UPP1: variants seen among roughly 807,000 people sequenced by gnomAD.
UPP1 encodes UPase 1.
In UPP1, 25 loss-of-function variants were observed where a neutral mutation model predicts 29.6. The observed-to-expected ratio is 0.85, with a 90% CI of 0.62 to 1.18. The LOEUF (loss-of-function observed/expected upper bound fraction) is 1.18, where lower values mean the gene tolerates loss of function less well. Ranked by LOEUF, UPP1 falls within the 50% of genes most tolerant of loss-of-function variation. The probability of loss-of-function intolerance (pLI) is 0.00; values close to 1 mark genes in which losing one functional copy is unlikely to be tolerated. For synonymous variants in UPP1, 165 were observed against 159.8 expected (o/e 1.03, Z -0.25); for missense variants, 368 against 410.4 (o/e 0.90, Z 0.89).
intron 6 of UPP1, chr7:48,104,848 A>T (rs1488081810): frequency 6.6e-6 from 1 of 152,204 alleles, no homozygotes; most frequent in Non-Finnish European, 1.5e-5. Flanking sequence ...ATGGTTCTTG[A>T]GTTCTTGCTC....
In UPP1 at chr7:48,108,345, G is replaced by C; in HGVS notation, c.921G>C (p.Leu307=). 1 of 1,613,812 alleles carries C rather than the reference G, an allele frequency of 6.2e-7. No individual in the cohort carries two copies. The highest frequency in any genetic ancestry group is 8.5e-7 in the Non-Finnish European group (1 of 1,179,752). ...TGAGCTACTTCATCAAGAAGAAACTGAGCAAGGCCTGAGCGCTGCCCTGCA... is the reference window on the plus strand; with the variant it reads ...TGAGCTACTTCATCAAGAAGAAACTCAGCAAGGCCTGAGCGCTGCCCTGCA... ...RLVSYFIKKK[L]SKA Residue 307 remains leucine, a synonymous_variant, in exon 9 of 9, where the codon CTG becomes CTC. Coordinates refer to ENST00000395564, the MANE Select transcript of UPP1 (RefSeq NM_003364.4).
intron 7 of UPP1, 55 bp downstream of exon 7, chr7:48,107,137 C>T (rs1450735742): frequency 4.4e-6 from 7 of 1,584,640 alleles, no homozygotes; most frequent in Middle Eastern, 2.3e-4. Flanking sequence ...TGGTCCGTCC[C>T]CTGAGCCTGC....
intron 2 of UPP1, among the ~76,000 whole-genome samples, chr7:48,094,161 T>TA (rs1792001369): frequency 6.6e-6 from 1 of 151,950 alleles, no homozygotes; most frequent in Non-Finnish European, 1.5e-5. Flanking sequence ...CTGTCTCTAT[T>TA]AAAAAAAGGG....
At position 48,101,726 on chromosome 7, in the gene UPP1, G is replaced by C. The variant is rs532122481; in HGVS notation, c.163-98G>C. On this transcript the variant is annotated intron_variant, in intron 4 of 8. Transcript: ENST00000395564. Reference sequence around the variant, plus strand: ...GCCAGTGAACTTATATTTTTAGCAAGTTCATTGGTAATACTGATGTTGCTG... The same window carrying C: ...GCCAGTGAACTTATATTTTTAGCAACTTCATTGGTAATACTGATGTTGCTG... The C allele has an allele frequency of 6.4e-5, 87 of 1,349,510 alleles. No individual in the cohort carries two copies. In the African/African-American group the frequency reaches 1.1e-3, roughly 17 times the overall value. 83.6% of individuals were successfully genotyped at this position (1,349,510 alleles called of 1,614,324 possible). A position where few individuals can be genotyped will look rare whatever the true frequency, so the allele number is the denominator to read the frequency against.
chr7:48,099,850 C>A, intron 4 of UPP1, 63 bp downstream of exon 4: 1 of 1,053,136 alleles, frequency 9.5e-7, no homozygotes, highest in South Asian at 1.3e-5. Flanking sequence ...CTATATTATA[C>A]AGGTAGACCA....
intron 6 of UPP1, chr7:48,103,831 AAG>A: frequency 1.6e-6 from 2 of 1,289,778 alleles, no homozygotes; most frequent in Non-Finnish European, 2.0e-6. Flanking sequence ...CAAAGGGGGG[AAG>A]AGAGAGGCGC....
At chr7:48,091,315 A>ATTTTTTT in intron 2 of UPP1, among the ~76,000 whole-genome samples, 1 of 146,902 alleles carries the variant, frequency 6.8e-6, no homozygotes. Context: ...AGTAAGATGG[A>ATTTTTTT]TCTGGCTGGT....
upstream of UPP1, chr7:48,088,858 G>C (rs1274817461): frequency 1.3e-5 from 2 of 152,444 alleles, no homozygotes; most frequent in Non-Finnish European, 2.9e-5. Context: ...CTGGCGGCGT[G>C]ACCTTGGGTT....
chr7:48,092,229 C>G (rs541557390), intron 2 of UPP1, among the ~76,000 whole-genome samples: 6 of 152,150 alleles, frequency 3.9e-5, no homozygotes, highest in Non-Finnish European at 8.8e-5. Context: ...GCCACTCTTA[C>G]GGGGGAATGT....
chr7:48,097,556 T>C (rs769431845), intron 3 of UPP1, among the ~76,000 whole-genome samples: 1 of 152,216 alleles, frequency 6.6e-6, no homozygotes, highest in Non-Finnish European at 1.5e-5. Flanking sequence ...TTTAAAATAA[T>C]TGCCTGTCTT....
chr7:48,099,088 C>G (rs1247225065), intron 3 of UPP1, among the ~76,000 whole-genome samples: 1 of 152,136 alleles, frequency 6.6e-6, no homozygotes, highest in Non-Finnish European at 1.5e-5. Flanking sequence ...TGCTCTAGAC[C>G]AGCATGTGCC....
In UPP1 at chr7:48,099,791, A is replaced by G. The variant is rs774788738; in HGVS notation, c.162+4A>G. 2.5e-6 allele frequency: 4 copies of G among 1,595,898 alleles called. No homozygotes were observed. Among genetic ancestry groups the G allele is most frequent in the South Asian group, 2.2e-5 (2 of 90,686 alleles). Reference sequence around the variant, plus strand: ...AGCCTTGTTTGGAGATGTGAAGGTAAGAGGCCAGGTGTTGACACCTTGGAA... The same window carrying G: ...AGCCTTGTTTGGAGATGTGAAGGTAGGAGGCCAGGTGTTGACACCTTGGAA... On this transcript the variant is annotated splice_donor_region_variant and intron_variant, in intron 4 of 8. Coordinates refer to ENST00000395564, the MANE Select transcript of UPP1 (RefSeq NM_003364.4).
intron 2 of UPP1, among the ~76,000 whole-genome samples, chr7:48,094,157 CTA>C (rs1583855601): frequency 6.6e-6 from 1 of 152,064 alleles, no homozygotes; most frequent in East Asian, 1.9e-4. Context: ...GAGACTGTCT[CTA>C]TTAAAAAAAG....
At chr7:48,104,143 G>A (rs1433853624) in intron 6 of UPP1, among the ~76,000 whole-genome samples, 1 of 152,012 alleles carries the variant, frequency 6.6e-6, no homozygotes, top group Admixed American at 6.6e-5. Flanking sequence ...GCTTGAACCC[G>A]GGAGGCGGAG....
chr7:48,105,568 A>G (rs1583880678), intron 6 of UPP1: 1 of 152,236 alleles, frequency 6.6e-6, no homozygotes, highest in Admixed American at 6.5e-5. Flanking sequence ...AGGTTGATAG[A>G]CAAGATGCCA....
chr7:48,094,387 T>G (rs1792014637), intron 2 of UPP1, among the ~76,000 whole-genome samples: 1 of 152,096 alleles, frequency 6.6e-6, no homozygotes, highest in African/African-American at 2.4e-5. Flanking sequence ...GGCTAATTTT[T>G]GTATTTTTAG....
intron 2 of UPP1, among the ~76,000 whole-genome samples, chr7:48,093,468 C>G (rs755832599): frequency 5.3e-5 from 8 of 152,202 alleles, no homozygotes; most frequent in Non-Finnish European, 1.0e-4. Context: ...CTCTCTTCCT[C>G]TCAGCATGAA....
chr7:48,098,893 G>C (rs772534254), intron 3 of UPP1, among the ~76,000 whole-genome samples: 2 of 152,190 alleles, frequency 1.3e-5, no homozygotes, highest in Non-Finnish European at 2.9e-5. Context: ...GACTCATCTA[G>C]ACCTGGGGCA....
intron 6 of UPP1, chr7:48,105,380 T>C (rs780033379): frequency 6.6e-6 from 1 of 152,224 alleles, no homozygotes; most frequent in Non-Finnish European, 1.5e-5. Context: ...TTCAGATACA[T>C]GTGGGGAGCG....
Sources: allele counts gnomAD v4.1 joint callset (sites outside exome capture counted in the v4.1 genomes callset), GRCh38; gene constraint gnomAD v4.1.1; transcripts MANE v1.5; gene names NCBI Gene and HGNC (gene_info 2026-07-23, HGNC 2026-07-21).